TMEM87B: variants seen among roughly 807,000 people sequenced by gnomAD.
The protein encoded by TMEM87B is transmembrane protein 87B.
Under a neutral mutation model 80.3 loss-of-function variants are expected in TMEM87B, and 83 were observed. The ratio of observed to expected loss-of-function variants is 1.03; its 90% CI spans 0.87 to 1.24. TMEM87B has a LOEUF of 1.24. Among genes scored for constraint, TMEM87B ranks in the 50% most tolerant of loss-of-function variants. The probability of loss-of-function intolerance (pLI) is 0.00; values close to 1 mark genes in which losing one functional copy is unlikely to be tolerated. For missense variants in TMEM87B, 625 were observed against 674.4 expected, an observed-to-expected ratio of 0.93 and a Z score of 0.81; for synonymous variants, 219 against 230.5, an observed-to-expected ratio of 0.95 and a Z score of 0.45.
At chr2:112,080,073 G>C (rs1678943922) in intron 6 of TMEM87B, among the ~76,000 whole-genome samples, 1 of 150,522 alleles carries the variant, frequency 6.6e-6, no homozygotes, top group Non-Finnish European at 1.5e-5. Context: ...GGGATTATAG[G>C]TGCACGCCAC....
At chr2:112,078,824 A>C (rs1001885809) in intron 6 of TMEM87B, among the ~76,000 whole-genome samples, 8 of 152,246 alleles carry the variant, frequency 5.3e-5, no homozygotes, top group Admixed American at 5.2e-4. Flanking sequence ...AGTTACGTCA[A>C]GGAAGATAAG....
At chr2:112,109,711 A>T (rs1367417499) in intron 17 of TMEM87B, among the ~76,000 whole-genome samples, 2 of 65,786 alleles carry the variant, frequency 3.0e-5, no homozygotes, top group Non-Finnish European at 5.5e-5. Context: ...GAATTTGTTG[A>T]GCTTCTCAGA....
At chr2:112,095,064 T>C (rs576124694) in intron 11 of TMEM87B, among the ~76,000 whole-genome samples, 10 of 151,116 alleles carry the variant, frequency 6.6e-5, no homozygotes, top group Admixed American at 6.0e-4. Flanking sequence ...AAAAATAGGC[T>C]GAAAAATTCA....
rs1679813404 is a variant in TMEM87B at position 112,107,834 on chromosome 2, C to G, written c.1571C>G (p.Thr524Arg). ...WVEENIPSSF[T>R]DVALPVLVDS... ...GAAGAAAATATTCCCTCTTCATTCACAGATGTGTAAGTTATCTTCTGTTAC... is the reference window on the plus strand; with the variant it reads ...GAAGAAAATATTCCCTCTTCATTCAGAGATGTGTAAGTTATCTTCTGTTAC... Residue 524 changes from threonine (T) to arginine (R), a missense_variant, in exon 17 of 19, where the codon ACA (threonine) becomes AGA (arginine). Coordinates refer to ENST00000283206, the MANE Select transcript of TMEM87B (RefSeq NM_032824.3). The G allele has an allele frequency of 1.3e-6, 2 of 1,584,804 alleles. No homozygotes were observed. The highest frequency in any genetic ancestry group is 1.7e-5 in the Admixed American group (1 of 59,228).
intron 4 of TMEM87B, among the ~76,000 whole-genome samples, chr2:112,069,008 A>C (rs1008490182): frequency 6.6e-6 from 1 of 150,420 alleles, no homozygotes; most frequent in Non-Finnish European, 1.5e-5. Flanking sequence ...CTGGCTAACA[A>C]GGTGAAACCC....
chr2:112,095,123 T>TC (rs1263727977), intron 11 of TMEM87B: 1 of 935,348 alleles, frequency 1.1e-6, no homozygotes, highest in Non-Finnish European at 1.3e-6. Context: ...CCCCTTTTTT[T>TC]CTTCTTGTTT....
chr2:112,093,087 AGGAAGGGCCAGAGGG>A (rs1425201558), intron 11 of TMEM87B, among the ~76,000 whole-genome samples: 1 of 152,140 alleles, frequency 6.6e-6, no homozygotes, highest in Admixed American at 6.5e-5. Context: ...TGTGTCTCAT[AGGAAGGGCCAGAGGG>A]CTTGGATCTC....
At chr2:112,097,948 C>T (rs1679520494) in intron 13 of TMEM87B, among the ~76,000 whole-genome samples, 1 of 151,270 alleles carries the variant, frequency 6.6e-6, no homozygotes. Context: ...TTTCTAGGAT[C>T]GTGTGTTCAG....
intron 13 of TMEM87B, 121 bp from the exon 14 acceptor site, chr2:112,098,474 T>C (rs2104495909): frequency 3.6e-6 from 3 of 843,348 alleles, no homozygotes; most frequent in Non-Finnish European, 1.9e-6. Context: ...TGCTTGTTTA[T>C]TTGGAAGACT....
intron 3 of TMEM87B, among the ~76,000 whole-genome samples, chr2:112,065,735 C>T (rs1261931793): frequency 6.6e-6 from 1 of 151,854 alleles, no homozygotes; most frequent in Non-Finnish European, 1.5e-5. Flanking sequence ...ACACTCCACA[C>T]CCCATACCGG....
chr2:112,084,776 G>A (rs1015994063), intron 8 of TMEM87B, among the ~76,000 whole-genome samples: 6 of 152,112 alleles, frequency 3.9e-5, no homozygotes, highest in Admixed American at 2.0e-4. Flanking sequence ...TCATCTCTTA[G>A]TTTTCTGGAA....
chr2:112,065,857 A>G (rs543805728), intron 3 of TMEM87B, among the ~76,000 whole-genome samples: 1 of 152,222 alleles, frequency 6.6e-6, no homozygotes, highest in East Asian at 1.9e-4. Flanking sequence ...TTTGAAGTGC[A>G]CAGACCATTT....
intron 15 of TMEM87B, among the ~76,000 whole-genome samples, chr2:112,102,032 G>A (rs1447442615): frequency 6.6e-6 from 1 of 152,092 alleles, no homozygotes; most frequent in African/African-American, 2.4e-5. Context: ...ATCTTCCTAT[G>A]AAGTACCAGG....
intron 2 of TMEM87B, 90 bp from the exon 3 acceptor site, chr2:112,064,072 G>C (rs568345199): frequency 4.9e-5 from 51 of 1,041,506 alleles, no homozygotes; most frequent in Non-Finnish European, 7.0e-5. Flanking sequence ...CATTAAAGTA[G>C]CCTATTTTTA....
At chr2:112,057,245 T>A (rs1678103233) in intron 1 of TMEM87B, among the ~76,000 whole-genome samples, 1 of 152,232 alleles carries the variant, frequency 6.6e-6, no homozygotes, top group Admixed American at 6.5e-5. Context: ...CTTTCATTTG[T>A]ACTGCAAATC....
chr2:112,094,824 A>G (rs558048727), intron 11 of TMEM87B, among the ~76,000 whole-genome samples: 1 of 152,262 alleles, frequency 6.6e-6, no homozygotes, highest in African/African-American at 2.4e-5. Context: ...GAATTTGTGA[A>G]GTTTGCTGTC....
intron 9 of TMEM87B, among the ~76,000 whole-genome samples, chr2:112,088,691 G>T (rs1166955259): frequency 6.6e-6 from 1 of 151,812 alleles, no homozygotes; most frequent in Non-Finnish European, 1.5e-5. Context: ...ATTATTAATT[G>T]CAAAAACCAC....
chr2:112,097,295 A>G lies in TMEM87B; in HGVS notation c.1272+4A>G. On this transcript the variant is annotated splice_donor_region_variant and intron_variant, in intron 13 of 18. Coordinates refer to ENST00000283206, the MANE Select transcript of TMEM87B (RefSeq NM_032824.3). ...TAGAATTGCAAAATGCCAATCAGTA[A>G]GTATAACCTTCCTATTTAAACAGTT... 1 of 1,592,428 alleles carries G rather than the reference A, an allele frequency of 6.3e-7. No individual in the cohort carries two copies. The highest frequency in any genetic ancestry group is 1.2e-5 in the South Asian group (1 of 86,734).
At chr2:112,111,986 T>C (rs1352321900) in intron 17 of TMEM87B, among the ~76,000 whole-genome samples, 1 of 152,188 alleles carries the variant, frequency 6.6e-6, no homozygotes, top group East Asian at 1.9e-4. Flanking sequence ...TGGTTCACCT[T>C]TCCTCTAACG....
Sources: allele counts gnomAD v4.1 joint callset (sites outside exome capture counted in the v4.1 genomes callset), GRCh38; gene constraint gnomAD v4.1.1; transcripts MANE v1.5; gene names NCBI Gene and HGNC (gene_info 2026-07-23, HGNC 2026-07-21).